Variants in PCDHGB3 observed in about 807,000 individuals in gnomAD.
PCDHGB3 encodes protocadherin gamma-B3.
A neutral mutation model predicts 59.2 loss-of-function variants in PCDHGB3; 40 were observed. The ratio of observed to expected loss-of-function variants is 0.68; its 90% CI spans 0.52 to 0.88. PCDHGB3 has a LOEUF of 0.88. Among genes scored for constraint, PCDHGB3 ranks in the 40% least tolerant of loss-of-function variants. The pLI is 0.00. For synonymous variants in PCDHGB3, 581 were observed against 503.6 expected, an observed-to-expected ratio of 1.15 and a Z score of -2.06; for missense variants, 1,309 against 1,187.9, an observed-to-expected ratio of 1.10 and a Z score of -1.50.
chr5:141,455,690 C>A (rs1209152869), intron 1 of PCDHGB3, among the ~76,000 whole-genome samples: 1 of 152,064 alleles, frequency 6.6e-6, no homozygotes, highest in East Asian at 1.9e-4. Context: ...CTGTGGGAAT[C>A]GCCAAGTTGA....
At chr5:141,418,308 T>G in intron 1 of PCDHGB3, 6 of 1,613,946 alleles carry the variant, frequency 3.7e-6, no homozygotes, top group Non-Finnish European at 5.1e-6. Flanking sequence ...AGCCTGGGGA[T>G]GGGAACAATT....
At chr5:141,389,117 G>A in intron 1 of PCDHGB3, 1 of 1,614,024 alleles carries the variant, frequency 6.2e-7, no homozygotes, top group Admixed American at 1.7e-5. Flanking sequence ...TAGACCGCGA[G>A]CAGAATCCAG....
intron 1 of PCDHGB3, chr5:141,405,099 T>C: frequency 6.2e-7 from 1 of 1,613,942 alleles, no homozygotes; most frequent in East Asian, 2.2e-5. Flanking sequence ...GCCCTCAGGC[T>C]GAGGCACTGG....
chr5:141,408,801 T>C, intron 1 of PCDHGB3: 1 of 1,613,142 alleles, frequency 6.2e-7, no homozygotes, highest in Admixed American at 1.7e-5. Context: ...GAGAAACTCC[T>C]AGACCGGGAA....
chr5:141,375,685 C>T (rs1771752072), intron 1 of PCDHGB3: 1 of 1,614,262 alleles, frequency 6.2e-7, no homozygotes, highest in Non-Finnish European at 8.5e-7. Flanking sequence ...GGGTGACAGC[C>T]AGCGACAGCG....
chr5:141,466,510 A>AT (rs1222513096), intron 1 of PCDHGB3, among the ~76,000 whole-genome samples: 1 of 151,938 alleles, frequency 6.6e-6, no homozygotes, highest in African/African-American at 2.4e-5. Context: ...AGACAAGATC[A>AT]TTTTTTTTCC....
intron 1 of PCDHGB3, among the ~76,000 whole-genome samples, chr5:141,465,090 A>G (rs566511602): frequency 6.7e-6 from 1 of 149,576 alleles, no homozygotes; most frequent in Admixed American, 6.7e-5. Flanking sequence ...TCATTTTTCT[A>G]GTAGTTTTTT....
chr5:141,486,282 C>T lies in PCDHGB3; in HGVS notation c.2416-8525C>T. ...AGTGCAGAACCTGGCACTGTGGTGGCACTTATCAGTGTGCAGGATCCAGAC... is the reference window on the plus strand; with the variant it reads ...AGTGCAGAACCTGGCACTGTGGTGGTACTTATCAGTGTGCAGGATCCAGAC... On this transcript the variant is annotated intron_variant, in intron 1 of 3. Transcript: ENST00000576222. This position sits in a 1 kb window ranked among gnomAD's most constrained non-coding sequence, Gnocchi z 5.0. 6.2e-7 allele frequency: 1 copy of T among 1,614,052 alleles called. No homozygotes were observed. Among genetic ancestry groups the T allele is most frequent in the Non-Finnish European group, 8.5e-7 (1 of 1,179,992 alleles).
In PCDHGB3 at chr5:141,405,080, A is replaced by T. The variant is rs1382053021; in HGVS notation, c.2415+32271A>T. 2.5e-6 allele frequency: 4 copies of T among 1,613,560 alleles called. No individual in the cohort carries two copies. In the East Asian group the frequency reaches 6.7e-5, roughly 27 times the overall value. On this transcript the variant is annotated intron_variant, in intron 1 of 3. Coordinates refer to ENST00000576222, the MANE Select transcript of PCDHGB3 (RefSeq NM_018924.5). ...CTGTGTCTTCCTCACCTTCGTTATC[A>T]CGCTGCTGGCCCTCAGGCTGAGGCA...
At chr5:141,375,253 C>T in intron 1 of PCDHGB3, 1 of 1,613,916 alleles carries the variant, frequency 6.2e-7, no homozygotes, top group East Asian at 2.2e-5. Flanking sequence ...CGAGAAGTCT[C>T]CCATTTGAAT....
chr5:141,374,223 A>G (rs761001587), intron 1 of PCDHGB3: 2 of 1,614,020 alleles, frequency 1.2e-6, no homozygotes, highest in South Asian at 2.2e-5. Flanking sequence ...TTCGTAGGCA[A>G]CATCGTCAAG....
chr5:141,497,986 G>T (rs1404550601), intron 2 of PCDHGB3, among the ~76,000 whole-genome samples: 1 of 152,176 alleles, frequency 6.6e-6, no homozygotes, highest in Non-Finnish European at 1.5e-5. Context: ...GGAGGCCCCT[G>T]CCCTCAAGGA....
chr5:141,435,807 T>A (rs2097781241), intron 1 of PCDHGB3, among the ~76,000 whole-genome samples: 1 of 152,040 alleles, frequency 6.6e-6, no homozygotes, highest in South Asian at 2.1e-4. Context: ...CCCAATTATT[T>A]TTTCTTTCTT....
At chr5:141,479,685 G>A (rs749895405) in intron 1 of PCDHGB3, 3 of 152,248 alleles carry the variant, frequency 2.0e-5, no homozygotes, top group Non-Finnish European at 4.4e-5. Flanking sequence ...AGTCTTTTTG[G>A]TGCCTCCAGT....
In PCDHGB3 at chr5:141,487,153, T is replaced by C; in HGVS notation, c.2416-7654T>C. The stretch of plus-strand genomic sequence containing the variant: ...GTCCACCACTCTCTACCTCTGTTAC[T>C]CTCTTAGTGTCCTTAGAGGAAGACA... On this transcript the variant is annotated intron_variant, in intron 1 of 3. Coordinates refer to ENST00000576222, the MANE Select transcript of PCDHGB3 (RefSeq NM_018924.5). This position sits in a 1 kb window ranked among gnomAD's most constrained non-coding sequence, Gnocchi z 5.0. 3 of 1,613,954 alleles carry C rather than the reference T, an allele frequency of 1.9e-6. No individual in the cohort carries two copies. Among genetic ancestry groups the C allele is most frequent in the Non-Finnish European group, 2.5e-6 (3 of 1,179,838 alleles).
intron 1 of PCDHGB3, among the ~76,000 whole-genome samples, chr5:141,407,220 A>G (rs569421185): frequency 6.6e-6 from 1 of 152,342 alleles, no homozygotes; most frequent in East Asian, 1.9e-4. Context: ...TTAAGTGGGT[A>G]GCAAAAAAAA....
chr5:141,425,881 A>C (rs911454948), intron 1 of PCDHGB3, among the ~76,000 whole-genome samples: 1 of 152,230 alleles, frequency 6.6e-6, no homozygotes, highest in African/African-American at 2.4e-5. Context: ...TCTCTAAGGA[A>C]TCTTCTTTGG....
chr5:141,393,430 C>T, intron 1 of PCDHGB3: 1 of 1,614,040 alleles, frequency 6.2e-7, no homozygotes, highest in Non-Finnish European at 8.5e-7. Context: ...GAGGAAGAGG[C>T]TGCTCACCAC....
chr5:141,481,026 C>T (rs1315533254), intron 1 of PCDHGB3, among the ~76,000 whole-genome samples: 1 of 152,100 alleles, frequency 6.6e-6, no homozygotes, highest in African/African-American at 2.4e-5. Flanking sequence ...CCACTGCACT[C>T]CAGCCTGGGC....
Sources: gnomAD v4.1 joint callset for allele counts (sites outside exome capture counted in the v4.1 genomes callset) on GRCh38, gnomAD v4.1.1 for gene constraint, Gnocchi (gnomAD v3.1) non-coding constraint, MANE v1.5 for transcripts, NCBI Gene and HGNC (gene_info 2026-07-23, HGNC 2026-07-21) for gene names.